Variants in WDR7 observed in about 807,000 individuals in gnomAD.
The protein encoded by WDR7 is WD repeat-containing protein 7.
Under a neutral mutation model 169.4 loss-of-function variants are expected in WDR7, and 46 were observed. The ratio of observed to expected loss-of-function variants is 0.27; its 90% CI spans 0.21 to 0.35. WDR7 has a LOEUF of 0.35. WDR7 is among the 10% of genes least tolerant of loss of function. The pLI, the probability that WDR7 is intolerant of heterozygous loss-of-function variation, is 1.00. For missense variants in WDR7, 1,534 were observed against 1,859.3 expected, an observed-to-expected ratio of 0.83 and a Z score of 3.22; for synonymous variants, 612 against 666.8, an observed-to-expected ratio of 0.92 and a Z score of 1.27.
intron 25 of WDR7, among the ~76,000 whole-genome samples, chr18:56,944,823 T>G (rs1183300093): frequency 6.6e-6 from 1 of 152,170 alleles, no homozygotes; most frequent in Non-Finnish European, 1.5e-5. Flanking sequence ...ATATCGCACT[T>G]TGCAGATTAA....
At chr18:56,815,639 TAAAC>T (rs1568211323) in intron 19 of WDR7, among the ~76,000 whole-genome samples, 1 of 152,214 alleles carries the variant, frequency 6.6e-6, no homozygotes, top group Non-Finnish European at 1.5e-5. Context: ...TCCCAAGTTA[TAAAC>T]AAACTAACAT....
At chr18:56,837,651 T>C (rs1401332979) in intron 20 of WDR7, among the ~76,000 whole-genome samples, 3 of 152,156 alleles carry the variant, frequency 2.0e-5, no homozygotes, top group Admixed American at 6.5e-5. Flanking sequence ...TTATAGTGAA[T>C]AATTTGATGT....
intron 20 of WDR7, among the ~76,000 whole-genome samples, chr18:56,878,031 A>C (rs2046050509): frequency 1.3e-5 from 2 of 152,214 alleles, no homozygotes. Flanking sequence ...AATATCAAAA[A>C]ATAATGGTAG....
At chr18:56,968,602 G>A (rs567161690) in intron 26 of WDR7, among the ~76,000 whole-genome samples, 1 of 152,296 alleles carries the variant, frequency 6.6e-6, no homozygotes, top group Admixed American at 6.5e-5. Flanking sequence ...AAGATTGATG[G>A]TATCTACAGC....
chr18:57,031,222 T>C (rs2048439953), downstream of WDR7: 1 of 152,246 alleles, frequency 6.6e-6, no homozygotes, highest in African/African-American at 2.4e-5. Flanking sequence ...AGTTCAATCC[T>C]TTGCATGAGA....
intron 21 of WDR7, among the ~76,000 whole-genome samples, chr18:56,908,134 C>G (rs1435816770): frequency 6.6e-6 from 1 of 152,110 alleles, no homozygotes; most frequent in East Asian, 1.9e-4. Context: ...TGTCTTAGAA[C>G]AGAATTGATC....
intron 26 of WDR7, among the ~76,000 whole-genome samples, chr18:56,969,099 T>C (rs1599204089): frequency 6.6e-6 from 1 of 152,270 alleles, no homozygotes; most frequent in South Asian, 2.1e-4. Context: ...GACATTTCCA[T>C]TTGGATATCT....
chr18:56,792,765 A>AACACACACACAC (rs10551903), intron 19 of WDR7, among the ~76,000 whole-genome samples: 1,857 of 147,754 alleles, frequency 0.013, 15 homozygotes, highest in East Asian at 0.026. Context: ...TATTTTCTTT[A>AACACACACACAC]ACACACACAC....
intron 13 of WDR7, among the ~76,000 whole-genome samples, chr18:56,723,165 T>A (rs1398463000): frequency 6.6e-6 from 1 of 152,060 alleles, no homozygotes; most frequent in East Asian, 1.9e-4. Flanking sequence ...CCATATTGTT[T>A]TCGTGATTTT....
chr18:56,671,868 A>G (rs1237264171), intron 1 of WDR7, among the ~76,000 whole-genome samples: 1 of 152,222 alleles, frequency 6.6e-6, no homozygotes, highest in Admixed American at 6.5e-5. Flanking sequence ...CACACATACA[A>G]TGTTCAGAAG....
rs1568136184 is a variant in WDR7, at chr18:56,686,041, AAG to A, written c.597+10_597+11del. ...AAATAAGTGACATGCAGGTGAGAAA[AAG>A]GAAACTGGGGTGATTTCTCTGTTTT... On this transcript the variant is annotated intron_variant, in intron 6 of 27. Transcript: ENST00000254442. 1 of 1,585,964 alleles carries A rather than the reference AAG, an allele frequency of 6.3e-7. No homozygotes were observed. Among genetic ancestry groups the A allele is most frequent in the Non-Finnish European group, 8.5e-7 (1 of 1,170,694 alleles).
At chr18:56,691,163 C>G in intron 7 of WDR7, 53 bp from the exon 8 acceptor site, 1 of 1,555,380 alleles carries the variant, frequency 6.4e-7, no homozygotes, top group Non-Finnish European at 8.6e-7. Flanking sequence ...GTCACTGGAT[C>G]TTACTTTTTA....
In WDR7 at chr18:56,663,464, G is replaced by C. The variant is rs77698938; in HGVS notation, c.-19-9033G>C. On this transcript the variant is annotated intron_variant, in intron 1 of 27. Coordinates refer to ENST00000254442, the MANE Select transcript of WDR7 (RefSeq NM_015285.3). ...ATAATGGTATTGTGTTTATGAAGGA[G>C]AATGCCCTTATTTTTAAGTTCTGTC... Among the ~76,000 whole-genome samples the C allele has an allele frequency of 5.3e-3, 803 of 152,282 alleles. 5 individuals carry two copies. Among genetic ancestry groups the C allele is most frequent in the African/African-American group, 0.018 (765 of 41,544 alleles).
In WDR7 at chr18:56,871,260, A is replaced by G. The variant is rs536956435; in HGVS notation, c.3305-8684A>G. The stretch of plus-strand genomic sequence containing the variant: ...GCTAAGTTTGCTCTTGCTCTTTAAT[A>G]ATTAATCAAAATCTAATATTAGCAA... On this transcript the variant is annotated intron_variant, in intron 20 of 27. Coordinates refer to ENST00000254442, the MANE Select transcript of WDR7 (RefSeq NM_015285.3). Among the ~76,000 whole-genome samples the G allele has an allele frequency of 2.0e-5, 3 of 152,308 alleles. No homozygotes were observed. The South Asian group carries it at 6.2e-4, about 32-fold the overall frequency.
At chr18:56,915,131 AG>A (rs1404307212) in intron 21 of WDR7, among the ~76,000 whole-genome samples, 4 of 152,246 alleles carry the variant, frequency 2.6e-5, no homozygotes, top group African/African-American at 4.8e-5. Flanking sequence ...GGATATAAAA[AG>A]TTTGAAAACA....
At chr18:56,758,673 C>G (rs1198769119) in intron 15 of WDR7, among the ~76,000 whole-genome samples, 192 bp from the exon 16 acceptor site, 1 of 152,076 alleles carries the variant, frequency 6.6e-6, no homozygotes, top group African/African-American at 2.4e-5. Context: ...ACTTGCTAAT[C>G]ATTTACTCAT....
intron 20 of WDR7, among the ~76,000 whole-genome samples, chr18:56,842,608 G>A (rs778784320): frequency 3.1e-4 from 46 of 149,384 alleles, no homozygotes; most frequent in Middle Eastern, 3.6e-3. Context: ...TAAAGGATTC[G>A]TAGTACTTCG....
chr18:56,672,671 G>T lies in WDR7; in HGVS notation c.156G>T (p.Leu52=), dbSNP rs753099003. The T allele has an allele frequency of 1.2e-6, 2 of 1,605,786 alleles. No individual in the cohort carries two copies. Among genetic ancestry groups the T allele is most frequent in the African/African-American group, 2.7e-5 (2 of 74,488 alleles). The part of the protein sequence containing the change: ...QICLWDLSVE[L]QINPRALLFG... ...GTCTCTGGGATCTTTCAGTAGAACT[G>T]CAAGTGAGTATGTGAAATGCCTATT... Residue 52 remains leucine, a synonymous_variant, in exon 2 of 28, where the codon CTG becomes CTT. Transcript: ENST00000254442.
intron 26 of WDR7, among the ~76,000 whole-genome samples, chr18:56,965,710 A>G (rs1005651174): frequency 3.9e-5 from 6 of 152,132 alleles, no homozygotes; most frequent in African/African-American, 1.4e-4. Context: ...CCACAAGCCT[A>G]AAATATTATC....
Sources: gnomAD v4.1 joint callset for allele counts (sites outside exome capture counted in the v4.1 genomes callset) on GRCh38, gnomAD v4.1.1 for gene constraint, MANE v1.5 for transcripts, NCBI Gene and HGNC (gene_info 2026-07-23, HGNC 2026-07-21) for gene names.